The following LRP1B variants were observed in gnomAD, a reference collection of about 807,000 sequenced individuals.
The protein encoded by LRP1B is low-density lipoprotein receptor-related protein 1B.
LRP1B carries 217 observed loss-of-function variants against 556.6 expected under a neutral mutation model. The ratio of observed to expected loss-of-function variants is 0.39; its 90% CI spans 0.35 to 0.44. The LOEUF is 0.44. LRP1B is among the 20% of genes least tolerant of loss of function. The probability of loss-of-function intolerance (pLI) is 1.00; values close to 1 mark genes in which losing one functional copy is unlikely to be tolerated. For missense variants in LRP1B, 5,053 were observed against 5,620.8 expected, an observed-to-expected ratio of 0.90 and a Z score of 3.23; for synonymous variants, 2,047 against 1,865.8, an observed-to-expected ratio of 1.10 and a Z score of -2.50.
chr2:141,534,032 A>C (rs1239092861), intron 2 of LRP1B, among the ~76,000 whole-genome samples: 1 of 133,940 alleles, frequency 7.5e-6, no homozygotes, highest in Non-Finnish European at 1.8e-5. Flanking sequence ...CACACGAGAG[A>C]GAAGGAAAAA....
At chr2:140,987,498 A>T (rs1696960782) in intron 17 of LRP1B, among the ~76,000 whole-genome samples, 1 of 149,772 alleles carries the variant, frequency 6.7e-6, no homozygotes, top group South Asian at 2.1e-4. Context: ...TACTACTATA[A>T]ATAGCTAGCC....
At chr2:140,441,763 T>C (rs1261636872) in intron 66 of LRP1B, among the ~76,000 whole-genome samples, 1 of 152,198 alleles carries the variant, frequency 6.6e-6, no homozygotes, top group Non-Finnish European at 1.5e-5. Flanking sequence ...TGCTTTTTGC[T>C]TATCCAACAA....
At chr2:141,905,324 A>G (rs1470616696) in intron 1 of LRP1B, among the ~76,000 whole-genome samples, 1 of 151,886 alleles carries the variant, frequency 6.6e-6, no homozygotes, top group African/African-American at 2.4e-5. Context: ...AAGCTAGAGA[A>G]CAGAGTTAAC....
chr2:140,766,851 TATA>T, intron 35 of LRP1B, among the ~76,000 whole-genome samples: 1 of 51,712 alleles, frequency 1.9e-5, no homozygotes, highest in African/African-American at 4.6e-5. Context: ...ATATTATATA[TATA>T]TATATATATA....
chr2:141,205,632 G>C (rs1434891835), intron 6 of LRP1B, among the ~76,000 whole-genome samples: 1 of 152,106 alleles, frequency 6.6e-6, no homozygotes, highest in South Asian at 2.1e-4. Flanking sequence ...TTTGTGGAGA[G>C]AACTACGATA....
At chr2:141,515,205 G>A (rs13020219) in intron 2 of LRP1B, among the ~76,000 whole-genome samples, 147,585 of 151,788 alleles carry the variant, frequency 0.97, 71,882 homozygotes, top group East Asian at 1. Context: ...AGGAGGCTGA[G>A]GCAGGAGAAT....
intron 3 of LRP1B, among the ~76,000 whole-genome samples, chr2:141,303,948 A>G (rs1337866623): frequency 6.6e-6 from 1 of 152,150 alleles, no homozygotes; most frequent in African/African-American, 2.4e-5. Context: ...TTTAATAATA[A>G]CCATTCTAAT....
chr2:140,580,351 A>C, intron 43 of LRP1B, among the ~76,000 whole-genome samples: 1 of 152,178 alleles, frequency 6.6e-6, no homozygotes, highest in African/African-American at 2.4e-5. Flanking sequence ...GATACAAAGA[A>C]CTAGGAGAAC....
In LRP1B at chr2:140,457,562, G is replaced by A. The variant is rs955082730; in HGVS notation, c.9715C>T (p.Arg3239Cys). 5.0e-6 allele frequency: 8 copies of A among 1,613,578 alleles called. No homozygotes were observed. The highest frequency in any genetic ancestry group is 3.3e-5 in the Admixed American group (2 of 59,958). ...WTDGKTKSLS[R>C]AHKTSGADRL... Reference sequence around the variant, plus strand: ...TCTGCTCCCGATGTTTTATGGGCACGGCTGAGTGACTTGGTTTTCCCATCA... The same window carrying A: ...TCTGCTCCCGATGTTTTATGGGCACAGCTGAGTGACTTGGTTTTCCCATCA... Residue 3239 changes from arginine (R) to cysteine (C), a missense_variant, in exon 61 of 91, where the codon CGT becomes TGT. Coordinates refer to ENST00000389484, the MANE Select transcript of LRP1B (RefSeq NM_018557.3).
intron 2 of LRP1B, among the ~76,000 whole-genome samples, chr2:141,641,255 A>C (rs1689321847): frequency 6.6e-6 from 1 of 152,152 alleles, no homozygotes; most frequent in Admixed American, 6.5e-5. Flanking sequence ...TGCATCATTA[A>C]ATGTATTTAC....
intron 2 of LRP1B, among the ~76,000 whole-genome samples, chr2:141,504,020 T>C (rs1683824817): frequency 6.6e-6 from 1 of 152,182 alleles, no homozygotes; most frequent in Non-Finnish European, 1.5e-5. Context: ...CGATTTAGGC[T>C]ATTGGATTTC....
At chr2:141,517,288 A>ACACACACACATACACACACACACACG (rs1348228281) in intron 2 of LRP1B, among the ~76,000 whole-genome samples, 1 of 151,874 alleles carries the variant, frequency 6.6e-6, no homozygotes, top group East Asian at 1.9e-4. Flanking sequence ...ACACACACAC[A>ACACACACACATACACACACACACACG]CCTTAAAATG....
chr2:140,406,638 A>G (rs2105238689), intron 66 of LRP1B, among the ~76,000 whole-genome samples: 1 of 152,240 alleles, frequency 6.6e-6, no homozygotes, highest in East Asian at 1.9e-4. Context: ...TTAATAAAGG[A>G]GGTGAAAAAT....
chr2:141,942,222 A>G (rs1700829572), intron 1 of LRP1B, among the ~76,000 whole-genome samples: 1 of 152,016 alleles, frequency 6.6e-6, no homozygotes, highest in South Asian at 2.1e-4. Flanking sequence ...CCCGCCCTCC[A>G]CCACACATCT....
intron 57 of LRP1B, among the ~76,000 whole-genome samples, chr2:140,488,111 C>T (rs1232728319): frequency 6.6e-6 from 1 of 151,734 alleles, no homozygotes; most frequent in Non-Finnish European, 1.5e-5. Flanking sequence ...TAGTCTGTTC[C>T]ATGGAAGAGC....
At chr2:142,090,569 C>A (rs1005723226) in intron 1 of LRP1B, among the ~76,000 whole-genome samples, 1 of 152,042 alleles carries the variant, frequency 6.6e-6, no homozygotes, top group East Asian at 1.9e-4. Flanking sequence ...ACGCTGGAAA[C>A]AAAAATACTC....
chr2:142,106,077 C>T (rs1706736790), intron 1 of LRP1B, among the ~76,000 whole-genome samples: 1 of 152,182 alleles, frequency 6.6e-6, no homozygotes, highest in Non-Finnish European at 1.5e-5. Flanking sequence ...CTTTACTCTG[C>T]AGCCTTAGCT....
In LRP1B at chr2:140,303,927, G is replaced by C. The variant is rs1300525630; in HGVS notation, c.12806-5958C>G. Among the ~76,000 whole-genome samples the C allele has an allele frequency of 2.0e-5, 3 of 151,770 alleles. No individual in the cohort carries two copies. The East Asian group carries it at 5.8e-4, about 30-fold the overall frequency. ...GTGTGGTGTTTGGTTTTTTGTTCTT[G>C]TGATAGTTTGCTGAGAATGATGGTT... is the stretch of plus-strand genomic sequence containing the variant. On this transcript the variant is annotated intron_variant, in intron 83 of 90. Transcript: ENST00000389484.
At chr2:141,627,402 T>C (rs1348431586) in intron 2 of LRP1B, among the ~76,000 whole-genome samples, 1 of 152,178 alleles carries the variant, frequency 6.6e-6, no homozygotes, top group Admixed American at 6.5e-5. Flanking sequence ...ATACAATGTA[T>C]AGTATGTGTC....
Sources: gnomAD v4.1 joint callset for allele counts (sites outside exome capture counted in the v4.1 genomes callset) on GRCh38, gnomAD v4.1.1 for gene constraint, MANE v1.5 for transcripts, NCBI Gene and HGNC (gene_info 2026-07-23, HGNC 2026-07-21) for gene names.